Variants in STK32B observed in about 807,000 individuals in gnomAD.
STK32B encodes serine/threonine kinase 32B, also known as serine/threonine-protein kinase 32B.
Under a neutral mutation model 52.6 loss-of-function variants are expected in STK32B, and 43 were observed. The ratio of observed to expected loss-of-function variants is 0.82; its 90% CI spans 0.64 to 1.05. The LOEUF (loss-of-function observed/expected upper bound fraction) is 1.05, where lower values mean the gene tolerates loss of function less well. STK32B is among the 50% of genes least tolerant of loss of function. STK32B has a pLI of 0.00. For synonymous variants in STK32B, 238 were observed against 204.3 expected (o/e 1.17, Z -1.41); for missense variants, 621 against 534.6 (o/e 1.16, Z -1.59).
intron 1 of STK32B, among the ~76,000 whole-genome samples, chr4:5,073,536 T>C (rs2108769088): frequency 6.6e-6 from 1 of 152,132 alleles, no homozygotes; most frequent in East Asian, 1.9e-4. Flanking sequence ...AAGAAAAATG[T>C]TTTGTATTTA....
chr4:5,340,479 A>G (rs904026810), intron 4 of STK32B, among the ~76,000 whole-genome samples: 2 of 152,216 alleles, frequency 1.3e-5, no homozygotes, highest in Non-Finnish European at 2.9e-5. Flanking sequence ...GCAAGGGTCA[A>G]GGGTGGTAGG....
chr4:5,183,033 T>C (rs1280202810), intron 3 of STK32B, among the ~76,000 whole-genome samples: 1 of 152,230 alleles, frequency 6.6e-6, no homozygotes, highest in Admixed American at 6.5e-5. Flanking sequence ...CCAGGCTTTG[T>C]TGTTCCATTT....
intron 7 of STK32B, chr4:5,447,456 C>T (rs1715564637): frequency 6.6e-6 from 1 of 151,954 alleles, no homozygotes; most frequent in African/African-American, 2.4e-5. Context: ...AGGGAAATTA[C>T]ATCTCTACAA....
intron 3 of STK32B, among the ~76,000 whole-genome samples, chr4:5,172,716 T>G (rs1174254439): frequency 6.6e-6 from 1 of 152,196 alleles, no homozygotes; most frequent in East Asian, 1.9e-4. Context: ...TTTGCCAGTA[T>G]TTTATTGAGG....
Position 5,398,105 on chromosome 4 carries a change from G to A in STK32B, c.435-102G>A. ...GAGGCTTCAGGTCAGGGAGAGGTGA[G>A]CAGCCTGGGTGTTCCAGCATTTGTC... On this transcript the variant is annotated intron_variant, in intron 4 of 11. Coordinates refer to ENST00000282908, the MANE Select transcript of STK32B (RefSeq NM_018401.3). This position sits in a 1 kb window ranked among gnomAD's most constrained non-coding sequence, Gnocchi z 4.9. 7.5e-7 allele frequency: 1 copy of A among 1,326,776 alleles called. No homozygotes were observed. Among genetic ancestry groups the A allele is most frequent in the Non-Finnish European group, 1.1e-6 (1 of 946,594 alleles). The allele number at this position is 1,326,776 out of a possible 1,614,324, so 82.2% of individuals were successfully genotyped here.
At position 5,500,448 on chromosome 4, in the gene STK32B, GCAAA is replaced by G. The variant is rs34663272; in HGVS notation, c.*1371_*1374del. Reference sequence around the variant, plus strand: ...CTCACCCAGCAGGTCAGTTTTCTGTGCAAACAAACCTGTTTAGGATTCTTCCAAA... The same window carrying G: ...CTCACCCAGCAGGTCAGTTTTCTGTGCAAACCTGTTTAGGATTCTTCCAAA... On this transcript the variant is annotated 3_prime_UTR_variant, in exon 12 of 12. Coordinates refer to ENST00000282908, the MANE Select transcript of STK32B (RefSeq NM_018401.3). 6.6e-6 allele frequency: 1 copy of G among 152,090 alleles called. No individual in the cohort carries two copies. Among genetic ancestry groups the G allele is most frequent in the Non-Finnish European group, 1.5e-5 (1 of 68,018 alleles). 9.4% of individuals were successfully genotyped at this position (152,090 alleles called of 1,614,324 possible).
At position 5,196,334 on chromosome 4, in the gene STK32B, G is replaced by GTTTTTTTTT. The variant is rs35605834; in HGVS notation, c.260+27901_260+27909dup. ...TTTCCTCTCCTCTCTTCTTTCTTCA[G>GTTTTTTTTT]TTTTTTTTTTTTTTTTTTTTTTTTT... On this transcript the variant is annotated intron_variant, in intron 3 of 11. Transcript: ENST00000282908. Among the ~76,000 whole-genome samples the GTTTTTTTTT allele has an allele frequency of 5.1e-4, 45 of 87,682 alleles. 1 individual carries two copies. The highest frequency in any genetic ancestry group is 1.3e-3 in the African/African-American group (25 of 19,144). The allele number at this position is 87,682 out of a possible 152,430, so 57.5% of individuals were successfully genotyped here.
chr4:5,278,511 A>G (rs1484368018), intron 3 of STK32B, among the ~76,000 whole-genome samples: 1 of 152,286 alleles, frequency 6.6e-6, no homozygotes. Flanking sequence ...AACTAGAACA[A>G]CAACAAAAAT....
chr4:5,464,262 C>A (rs1305544874), intron 9 of STK32B, among the ~76,000 whole-genome samples: 1 of 152,344 alleles, frequency 6.6e-6, no homozygotes, highest in East Asian at 1.9e-4. Flanking sequence ...TACATCTCAA[C>A]ATGAGATTTG....
chr4:5,389,210 C>G (rs1181713096), intron 4 of STK32B, among the ~76,000 whole-genome samples: 3 of 152,166 alleles, frequency 2.0e-5, no homozygotes, highest in Non-Finnish European at 2.9e-5. Flanking sequence ...TCCTGGCTGT[C>G]CCACATACGG....
At chr4:5,393,388 T>C (rs1177927560) in intron 4 of STK32B, among the ~76,000 whole-genome samples, 3 of 152,238 alleles carry the variant, frequency 2.0e-5, no homozygotes, top group Non-Finnish European at 2.9e-5. Flanking sequence ...AGGAAGCTAA[T>C]GTTCATTGTC....
intron 1 of STK32B, among the ~76,000 whole-genome samples, chr4:5,102,462 T>G (rs1183429605): frequency 7.9e-6 from 1 of 126,246 alleles, no homozygotes; most frequent in Non-Finnish European, 1.7e-5. Flanking sequence ...CCTTCCTTCC[T>G]TCCTTCCTTC....
intron 9 of STK32B, among the ~76,000 whole-genome samples, chr4:5,463,493 CAT>C (rs1275247713): frequency 6.6e-5 from 10 of 152,276 alleles, no homozygotes; most frequent in East Asian, 5.8e-4. Flanking sequence ...CACACTCACA[CAT>C]AGACACACAT....
intron 3 of STK32B, among the ~76,000 whole-genome samples, chr4:5,228,646 A>G (rs1724034490): frequency 6.6e-6 from 1 of 152,198 alleles, no homozygotes; most frequent in South Asian, 2.1e-4. Context: ...GAGAATCACA[A>G]TAATTCTTTG....
chr4:5,297,639 T>G (rs575046404), intron 3 of STK32B, among the ~76,000 whole-genome samples: 284 of 96,616 alleles, frequency 2.9e-3, no homozygotes, highest in African/African-American at 0.02. Flanking sequence ...ATTTATGTTT[T>G]TTTTTTTTTT....
chr4:5,087,776 A>G (rs891044267), intron 1 of STK32B, among the ~76,000 whole-genome samples: 1 of 151,958 alleles, frequency 6.6e-6, no homozygotes, highest in Non-Finnish European at 1.5e-5. Context: ...GGATCTCATA[A>G]TATAGCCCCA....
intron 4 of STK32B, among the ~76,000 whole-genome samples, chr4:5,385,148 A>G (rs1013244523): frequency 6.6e-6 from 1 of 152,054 alleles, no homozygotes; most frequent in Admixed American, 6.5e-5. Flanking sequence ...AGCAAGGGTG[A>G]GGCTTTCCCT....
At chr4:5,173,165 T>A (rs541224869) in intron 3 of STK32B, among the ~76,000 whole-genome samples, 18 of 152,316 alleles carry the variant, frequency 1.2e-4, no homozygotes, top group Non-Finnish European at 2.5e-4. Flanking sequence ...ATCCCCTTTG[T>A]CATTTTTATT....
intron 3 of STK32B, among the ~76,000 whole-genome samples, chr4:5,212,316 C>A (rs150607782): frequency 1.3e-5 from 2 of 152,200 alleles, no homozygotes; most frequent in African/African-American, 4.8e-5. Context: ...GATTCAGACC[C>A]GAGCAGTCAA....
Sources: gnomAD v4.1 joint callset for allele counts (sites outside exome capture counted in the v4.1 genomes callset) on GRCh38, gnomAD v4.1.1 for gene constraint, Gnocchi (gnomAD v3.1) non-coding constraint, MANE v1.5 for transcripts, NCBI Gene and HGNC (gene_info 2026-07-23, HGNC 2026-07-21) for gene names.